HMCN1: variants seen among roughly 807,000 people sequenced by gnomAD.
The protein encoded by HMCN1 is hemicentin 1, also known as hemicentin-1.
Under a neutral mutation model 625.9 loss-of-function variants are expected in HMCN1, and 321 were observed. That is an observed-to-expected ratio of 0.51 (90% CI 0.47 to 0.56). The LOEUF (loss-of-function observed/expected upper bound fraction) is 0.56, where lower values mean the gene tolerates loss of function less well. Among genes scored for constraint, HMCN1 ranks in the 20% least tolerant of loss-of-function variants. The pLI, the probability that HMCN1 is intolerant of heterozygous loss-of-function variation, is 0.00. For synonymous variants in HMCN1, 2,425 were observed against 2,417.6 expected, an observed-to-expected ratio of 1.00 and a Z score of -0.09; for missense variants, 6,588 against 6,887.3, an observed-to-expected ratio of 0.96 and a Z score of 1.54.
chr1:185,832,096 G>T (rs1660899213), intron 1 of HMCN1, among the ~76,000 whole-genome samples: 1 of 152,086 alleles, frequency 6.6e-6, no homozygotes, highest in Admixed American at 6.6e-5. Flanking sequence ...GGAAGTTCGA[G>T]ACCAGCCTGG....
intron 83 of HMCN1, among the ~76,000 whole-genome samples, chr1:186,128,556 T>C (rs1383488342): frequency 7.9e-5 from 12 of 151,936 alleles, no homozygotes. Flanking sequence ...CCTTACCCCA[T>C]GAGAAGGCAG....
chr1:185,868,762 A>G (rs1294814985), intron 4 of HMCN1, among the ~76,000 whole-genome samples: 1 of 152,182 alleles, frequency 6.6e-6, no homozygotes, highest in Non-Finnish European at 1.5e-5. Flanking sequence ...AATAATTCTG[A>G]CAATTACCAG....
intron 100 of HMCN1, among the ~76,000 whole-genome samples, chr1:186,167,895 A>G (rs558683542): frequency 6.6e-6 from 1 of 152,244 alleles, no homozygotes; most frequent in African/African-American, 2.4e-5. Context: ...GGACATCTCA[A>G]TTGCCTCCAA....
rs770630807 is a variant in HMCN1, at chr1:186,119,895, G to GTTTTTCTATC, written c.12094+14_12094+23dup. The GTTTTTCTATC allele has an allele frequency of 6.2e-7, 1 of 1,613,976 alleles. No individual in the cohort carries two copies. Among genetic ancestry groups the GTTTTTCTATC allele is most frequent in the South Asian group, 1.1e-5 (1 of 91,076 alleles). On this transcript the variant is annotated intron_variant, in intron 79 of 106. Transcript: ENST00000271588. ...GTTAACACTTCAGGTACCTACCACTGTTTTTCTATCAAGAAAATCATAGCA... is the reference window on the plus strand; with the variant it reads ...GTTAACACTTCAGGTACCTACCACTGTTTTTCTATCTTTTTCTATCAAGAAAATCATAGCA...
intron 68 of HMCN1, among the ~76,000 whole-genome samples, chr1:186,101,747 C>A (rs181783363): frequency 6.6e-6 from 1 of 151,858 alleles, no homozygotes; most frequent in African/African-American, 2.4e-5. Context: ...AGTGAGCATG[C>A]CTTATTAATC....
At chr1:186,027,308 A>G (rs1655121459) in intron 36 of HMCN1, among the ~76,000 whole-genome samples, 2 of 152,168 alleles carry the variant, frequency 1.3e-5, no homozygotes, top group African/African-American at 2.4e-5. Flanking sequence ...TATTCCCTAG[A>G]CCAAACTATG....
At chr1:185,735,750 T>G (rs559408921) in intron 1 of HMCN1, among the ~76,000 whole-genome samples, 1 of 152,348 alleles carries the variant, frequency 6.6e-6, no homozygotes, top group Non-Finnish European at 1.5e-5. Flanking sequence ...GCCGTAGGTT[T>G]CAGCAGCTCC....
At chr1:186,092,696 T>A (rs1659906083) in intron 64 of HMCN1, among the ~76,000 whole-genome samples, 1 of 152,052 alleles carries the variant, frequency 6.6e-6, no homozygotes, top group Non-Finnish European at 1.5e-5. Flanking sequence ...GATACCAAAT[T>A]GTTGTCACAA....
At chr1:186,132,538 TCTG>T (rs1384151340) in intron 86 of HMCN1, 129 bp downstream of exon 86, 1 of 743,048 alleles carries the variant, frequency 1.3e-6, no homozygotes, top group African/African-American at 1.8e-5. Flanking sequence ...AATTTAGTTT[TCTG>T]CTGCTGATGG....
chr1:186,085,830 T>TA (rs1659446557), intron 57 of HMCN1, among the ~76,000 whole-genome samples: 2 of 152,214 alleles, frequency 1.3e-5, no homozygotes, highest in African/African-American at 4.8e-5. Flanking sequence ...CATTATCTCC[T>TA]AAAAAATCTC....
chr1:185,892,846 G>A (rs1479018707), intron 4 of HMCN1, among the ~76,000 whole-genome samples: 3 of 152,196 alleles, frequency 2.0e-5, no homozygotes, highest in Non-Finnish European at 4.4e-5. Context: ...CACCCAGTTC[G>A]AGCTTCCAGG....
At chr1:185,911,910 T>A in intron 6 of HMCN1, 130 bp downstream of exon 6, 1 of 722,380 alleles carries the variant, frequency 1.4e-6, no homozygotes, top group Admixed American at 2.0e-5. Flanking sequence ...AAAAGCAACG[T>A]ACATAGGTGT....
At chr1:186,072,052 G>C (rs1658510488) in intron 52 of HMCN1, among the ~76,000 whole-genome samples, 1 of 152,078 alleles carries the variant, frequency 6.6e-6, no homozygotes, top group Non-Finnish European at 1.5e-5. Context: ...TCAGGTTCAG[G>C]CTTTGAAATT....
intron 1 of HMCN1, among the ~76,000 whole-genome samples, chr1:185,744,103 C>T (rs933468770): frequency 2.0e-5 from 3 of 151,172 alleles, no homozygotes; most frequent in African/African-American, 7.3e-5. Context: ...ATTCTCCTGC[C>T]TCAGCCTCCG....
At chr1:186,006,579 TTATG>T (rs917794500) in intron 29 of HMCN1, among the ~76,000 whole-genome samples, 1 of 152,026 alleles carries the variant, frequency 6.6e-6, no homozygotes, top group Non-Finnish European at 1.5e-5. Flanking sequence ...ATATTTATGA[TTATG>T]TAAGCATTTG....
chr1:186,159,091 T>G (rs1161728363), intron 97 of HMCN1, among the ~76,000 whole-genome samples: 1 of 152,046 alleles, frequency 6.6e-6, no homozygotes, highest in Admixed American at 6.5e-5. Context: ...TTTGTTTGTA[T>G]CCTCTTTTAT....
intron 1 of HMCN1, among the ~76,000 whole-genome samples, chr1:185,773,837 T>C (rs965382187): frequency 2.6e-5 from 4 of 152,200 alleles, no homozygotes; most frequent in African/African-American, 9.6e-5. Flanking sequence ...AAAGATTTCA[T>C]AGAGAGGTGA....
chr1:186,148,045 T>C (rs1378718111), intron 93 of HMCN1, among the ~76,000 whole-genome samples: 1 of 152,212 alleles, frequency 6.6e-6, no homozygotes, highest in African/African-American at 2.4e-5. Context: ...AAAGTTTGGG[T>C]CAATCCTCTC....
At chr1:186,050,851 T>C (rs1490299708) in intron 42 of HMCN1, among the ~76,000 whole-genome samples, 1 of 152,098 alleles carries the variant, frequency 6.6e-6, no homozygotes, top group Non-Finnish European at 1.5e-5. Context: ...ACAATGATGT[T>C]GTTCTCACGG....
Sources: gnomAD v4.1 joint callset for allele counts (sites outside exome capture counted in the v4.1 genomes callset) on GRCh38, gnomAD v4.1.1 for gene constraint, MANE v1.5 for transcripts, NCBI Gene and HGNC (gene_info 2026-07-23, HGNC 2026-07-21) for gene names.